CHD5: variants seen among roughly 807,000 people sequenced by gnomAD.
CHD5 encodes ATP-dependent chromatin remodeler CHD5.
In CHD5, 69 loss-of-function variants were observed where a neutral mutation model predicts 230.3. The ratio of observed to expected loss-of-function variants is 0.30; its 90% CI spans 0.25 to 0.37. The LOEUF (loss-of-function observed/expected upper bound fraction) is 0.37, where lower values mean the gene tolerates loss of function less well. CHD5 is among the 10% of genes least tolerant of loss of function. The probability of loss-of-function intolerance (pLI) is 1.00; values close to 1 mark genes in which losing one functional copy is unlikely to be tolerated. For synonymous variants in CHD5, 1,064 were observed against 1,065.9 expected, an observed-to-expected ratio of 1.00 and a Z score of 0.03; for missense variants, 1,827 against 2,622.8, an observed-to-expected ratio of 0.70 and a Z score of 6.63.
At chr1:6,109,516 TAC>T (rs1300774529) in intron 38 of CHD5, among the ~76,000 whole-genome samples, 1 of 152,206 alleles carries the variant, frequency 6.6e-6, no homozygotes, top group South Asian at 2.1e-4. Flanking sequence ...CAGAAGCCTT[TAC>T]AGTTTCGTGG....
intron 35 of CHD5, 41 bp downstream of exon 35, chr1:6,112,099 C>G: frequency 6.2e-7 from 1 of 1,602,716 alleles, no homozygotes; most frequent in Non-Finnish European, 8.5e-7. Context: ...GACCCACAGT[C>G]AGGAAGCCTC....
chr1:6,137,987 G>A (rs187204959), intron 15 of CHD5, among the ~76,000 whole-genome samples: 9 of 152,266 alleles, frequency 5.9e-5, no homozygotes, highest in East Asian at 5.8e-4. Flanking sequence ...CCAGGCACCC[G>A]GTCTATGCAC....
In CHD5 at chr1:6,106,606, C is replaced by T. The variant is rs981143998; in HGVS notation, c.5742+10G>A. On this transcript the variant is annotated intron_variant, in intron 39 of 41. Coordinates refer to ENST00000262450, the MANE Select transcript of CHD5 (RefSeq NM_015557.3). ...GGGGCTCGGGCCGGGGCACACAGGC[C>T]GAGCCTGACCTGCTGGATGGTGGGG... is the stretch of plus-strand genomic sequence containing the variant. The T allele has an allele frequency of 1.9e-6, 3 of 1,558,218 alleles. No homozygotes were observed. Among genetic ancestry groups the T allele is most frequent in the African/African-American group, 2.7e-5 (2 of 73,604 alleles).
chr1:6,143,861 C>G lies in CHD5; in HGVS notation c.2005G>C (p.Asp669His), dbSNP rs146510214. 1.3e-6 allele frequency: 2 copies of G among 1,586,098 alleles called. No homozygotes were observed. Among genetic ancestry groups the G allele is most frequent in the Non-Finnish European group, 1.7e-6 (2 of 1,165,620 alleles). ...LLKKGKKLRD[D>H]KQEKPPDTPI... Reference sequence around the variant, plus strand: ...GTGTCCGGCGGCTTCTCCTGCTTGTCGTCCCTCAGCTTCTTGCCCTTCTTG... The same window carrying G: ...GTGTCCGGCGGCTTCTCCTGCTTGTGGTCCCTCAGCTTCTTGCCCTTCTTG... The change falls in exon 13 of 42, where the codon GAC (aspartate) becomes CAC (histidine). Residue 669 changes from aspartate to histidine, a missense_variant. Physicochemically the swap from Asp to His is moderately conservative, Grantham distance 81. This residue lies in a region of CHD5 where 657 missense variants were observed against 816.4 expected (regional missense o/e 0.80). Coordinates refer to ENST00000262450, the MANE Select transcript of CHD5 (RefSeq NM_015557.3).
rs562341108 is a variant in CHD5, at chr1:6,128,727, C to T, written c.3619+111G>A. ...AGCCAGGAGATACAGGTGGGGGGTG[C>T]AGAAGAGAGGCTGTGTGTTGGAGCG... On this transcript the variant is annotated intron_variant, in intron 23 of 41. Coordinates refer to ENST00000262450, the MANE Select transcript of CHD5 (RefSeq NM_015557.3). This position sits in a 1 kb window ranked among gnomAD's most constrained non-coding sequence, Gnocchi z 7.8. The T allele has an allele frequency of 1.6e-6, 2 of 1,256,414 alleles. No individual in the cohort carries two copies. The highest frequency in any genetic ancestry group is 1.1e-6 in the Non-Finnish European group (1 of 877,342). The allele number at this position is 1,256,414 out of a possible 1,614,324, so 77.8% of individuals were successfully genotyped here. A position where few individuals can be genotyped will look rare whatever the true frequency, so the allele number is the denominator to read the frequency against.
rs200419191 is a variant in CHD5, at chr1:6,126,606, C to T, written c.4044G>A (p.Gln1348=). Reference sequence around the variant, plus strand: ...CCTGGGAGGCATCGTTGTAGTTGACCTGCTTGCGGATGCGCTTGCCCTTGC... The same window carrying T: ...CCTGGGAGGCATCGTTGTAGTTGACTTGCTTGCGGATGCGCTTGCCCTTGC... ...NLGKGKRIRK[Q]VNYNDASQED... Residue 1348 remains glutamine, a synonymous_variant, in exon 26 of 42, where the codon CAG becomes CAA. Coordinates refer to ENST00000262450, the MANE Select transcript of CHD5 (RefSeq NM_015557.3). This position sits in a 1 kb window ranked among gnomAD's most constrained non-coding sequence, Gnocchi z 5.7. 29 of 1,613,700 alleles carry T rather than the reference C, an allele frequency of 1.8e-5. No homozygotes were observed. In the East Asian group the frequency reaches 6.2e-4, roughly 35 times the overall value.
Position 6,136,536 on chromosome 1 carries a change from G to A in CHD5, c.2677C>T (p.Leu893=). 1 of 1,614,024 alleles carries A rather than the reference G, an allele frequency of 6.2e-7. No individual in the cohort carries two copies. The highest frequency in any genetic ancestry group is 1.1e-5 in the South Asian group (1 of 91,074). ...LEELFHLLNF[L]TPERFNNLEG... ...ACTCACTTGAACCTCTCTGGAGTCA[G>A]GAAGTTGAGGAGATGGAACAGCTCC... The change falls in exon 17 of 42, where the codon CTG becomes TTG. Residue 893 remains leucine, a synonymous_variant. Coordinates refer to ENST00000262450, the MANE Select transcript of CHD5 (RefSeq NM_015557.3).
chr1:6,146,397 A>G lies in CHD5; in HGVS notation c.1617T>C (p.Tyr539=). 2 of 1,614,018 alleles carry G rather than the reference A, an allele frequency of 1.2e-6. No individual in the cohort carries two copies. The highest frequency in any genetic ancestry group is 4.5e-5 in the East Asian group (2 of 44,880). ...LQLELYHTVM[Y]RNYQRKNDMD... is the part of the protein sequence containing the mutation. The stretch of plus-strand genomic sequence containing the variant: ...TGTCGTTCTTTCTTTGGTAGTTGCG[A>G]TACATCACCGTGTGGTACAGCTCCA... Residue 539 remains tyrosine, a synonymous_variant, in exon 11 of 42, where the codon TAT becomes TAC. Coordinates refer to ENST00000262450, the MANE Select transcript of CHD5 (RefSeq NM_015557.3). This position sits in a 1 kb window ranked among gnomAD's most constrained non-coding sequence, Gnocchi z 5.1.
At chr1:6,149,695 T>C (rs930688499) in intron 7 of CHD5, among the ~76,000 whole-genome samples, 1 of 145,110 alleles carries the variant, frequency 6.9e-6, no homozygotes, top group African/African-American at 2.6e-5. Flanking sequence ...GATGGATAGA[T>C]GAATGGATGG....
chr1:6,168,149 C>T lies in CHD5; in HGVS notation c.207+1G>A. 6.2e-7 allele frequency: 1 copy of T among 1,602,846 alleles called. No homozygotes were observed. Among genetic ancestry groups the T allele is most frequent in the Non-Finnish European group, 8.5e-7 (1 of 1,171,634 alleles). On this transcript the variant is annotated splice_donor_variant, in intron 2 of 41. Coordinates refer to ENST00000262450, the MANE Select transcript of CHD5 (RefSeq NM_015557.3). LOFTEE classifies it high-confidence loss of function. ...TCGCCGGCGCAGGTGCTGCCCCTCA[C>T]CTCTTTCTTCTTCCGCTTCCCTTTA...
chr1:6,132,812 A>G (rs1666678347), intron 20 of CHD5, among the ~76,000 whole-genome samples: 1 of 151,800 alleles, frequency 6.6e-6, no homozygotes, highest in Admixed American at 6.6e-5. Flanking sequence ...TTAGGGTGTC[A>G]ATTACTCCAT....
Position 6,124,548 on chromosome 1 carries a change from C to A in CHD5, c.4508G>T (p.Arg1503Leu). 6.2e-7 allele frequency: 1 copy of A among 1,613,670 alleles called. No homozygotes were observed. Among genetic ancestry groups the A allele is most frequent in the Non-Finnish European group, 8.5e-7 (1 of 1,179,862 alleles). The part of the protein sequence containing the change: ...EGLSRQHVLT[R>L]IGVMSLVRKK... ...CCTAACTAGTGACATGACCCCGATG[C>A]GGGTCAGCACGTGCTGCCTGGAGAG... The change falls in exon 30 of 42, where the codon CGC becomes CTC. Residue 1503 changes from arginine to leucine, a missense_variant. Transcript: ENST00000262450.
At position 6,105,577 on chromosome 1, in the gene CHD5, G is replaced by C; in HGVS notation, c.*47-150C>G. 2 of 340,040 alleles carry C rather than the reference G, an allele frequency of 5.9e-6. No individual in the cohort carries two copies. The highest frequency in any genetic ancestry group is 1.2e-5 in the Non-Finnish European group (2 of 171,224). The allele number at this position is 340,040 out of a possible 1,614,324, so 21.1% of individuals were successfully genotyped here. On this transcript the variant is annotated intron_variant, in intron 41 of 41. Coordinates refer to ENST00000262450, the MANE Select transcript of CHD5 (RefSeq NM_015557.3). The surrounding 1 kb of genome is among the most constrained non-coding windows in gnomAD (Gnocchi z 4.8). ...CATGACCTCCCAGCCACAGGCTGCC[G>C]GGCCAGGCCATGAGCTACACCCAGA...
chr1:6,114,016 G>A (rs35970122), intron 33 of CHD5, among the ~76,000 whole-genome samples: 16,656 of 152,200 alleles, frequency 0.11, 1,288 homozygotes, highest in East Asian at 0.38. Context: ...TTGGGAGGCC[G>A]AGGCCGGAGG....
Position 6,128,032 on chromosome 1 carries a change from G to C in CHD5, c.3903+14C>G. The stretch of plus-strand genomic sequence containing the variant: ...GGGCGGGGCTGCGGATGGAGGGCGG[G>C]CCGGGGACCTTACCACGCCGTCCTC... On this transcript the variant is annotated intron_variant, in intron 25 of 41. Coordinates refer to ENST00000262450, the MANE Select transcript of CHD5 (RefSeq NM_015557.3). This position sits in a 1 kb window ranked among gnomAD's most constrained non-coding sequence, Gnocchi z 7.8. The C allele has an allele frequency of 6.3e-7, 1 of 1,584,750 alleles. No individual in the cohort carries two copies. Among genetic ancestry groups the C allele is most frequent in the South Asian group, 1.1e-5 (1 of 87,724 alleles).
chr1:6,157,324 C>T (rs1374018348), intron 3 of CHD5, among the ~76,000 whole-genome samples: 3 of 152,342 alleles, frequency 2.0e-5, no homozygotes, highest in South Asian at 2.1e-4. Context: ...CAAGAAGCCC[C>T]GAGCTGCTGC....
intron 2 of CHD5, among the ~76,000 whole-genome samples, chr1:6,164,377 T>C (rs1667221342): frequency 6.6e-6 from 1 of 152,224 alleles, no homozygotes. Context: ...TTGGTTGCTA[T>C]GGTAACCGCT....
chr1:6,106,742 C>T lies in CHD5; in HGVS notation c.5616G>A (p.Lys1872=). 6.2e-7 allele frequency: 1 copy of T among 1,611,654 alleles called. No homozygotes were observed. The highest frequency in any genetic ancestry group is 8.5e-7 in the Non-Finnish European group (1 of 1,179,674). ...NQLEELLSDM[K]ADVTRLPSML... ...TGGATGGCAGCCGGGTCACGTCGGC[C>T]TTCATGTCGCTCAGCAGCTCCTCCA... The change falls in exon 39 of 42, where the codon AAG becomes AAA. Residue 1872 remains lysine (K), a synonymous_variant. Transcript: ENST00000262450.
chr1:6,123,905 T>C, intron 31 of CHD5, 43 bp downstream of exon 31: 1 of 1,382,216 alleles, frequency 7.2e-7, no homozygotes, highest in Non-Finnish European at 9.4e-7. Flanking sequence ...CTTGCCACTT[T>C]CCATGACCCC....
Sources: allele counts gnomAD v4.1 joint callset (sites outside exome capture counted in the v4.1 genomes callset), GRCh38; gene constraint gnomAD v4.1.1; regional missense constraint gnomAD v4.1.1; non-coding constraint Gnocchi (gnomAD v3.1); transcripts MANE v1.5; gene names NCBI Gene and HGNC (gene_info 2026-07-23, HGNC 2026-07-21).